Variants in SYNDIG1L observed in about 807,000 individuals in gnomAD.
The protein encoded by SYNDIG1L is synapse differentiation inducing 1 like.
Under a neutral mutation model 20.1 loss-of-function variants are expected in SYNDIG1L, and 13 were observed. That is an observed-to-expected ratio of 0.65 (90% CI 0.42 to 1.03). The LOEUF (loss-of-function observed/expected upper bound fraction) is 1.03. Among genes scored for constraint, SYNDIG1L ranks in the 50% least tolerant of loss-of-function variants. The pLI, the probability that SYNDIG1L is intolerant of heterozygous loss-of-function variation, is 0.00. For synonymous variants in SYNDIG1L, 128 were observed against 129.3 expected, an observed-to-expected ratio of 0.99 and a Z score of 0.07; for missense variants, 294 against 305.1, an observed-to-expected ratio of 0.96 and a Z score of 0.27.
chr14:74,469,174 A>G, the SYNDIG1L span, among the ~76,000 whole-genome samples: 2 of 152,092 alleles, frequency 1.3e-5, no homozygotes, highest in Non-Finnish European at 2.9e-5. Context: ...CAGTGGCTGC[A>G]GTAAGCTTTA....
At chr14:74,426,413 T>C (rs1230851026), upstream of SYNDIG1L, among the ~76,000 whole-genome samples, 1 of 151,994 alleles carries the variant, frequency 6.6e-6, no homozygotes, top group African/African-American at 2.4e-5. Context: ...GGAACCCGCG[T>C]ACCCGCTTCC....
chr14:74,446,243 G>A, the SYNDIG1L span, among the ~76,000 whole-genome samples: 5 of 152,258 alleles, frequency 3.3e-5, no homozygotes, highest in African/African-American at 1.2e-4. Flanking sequence ...AGACTCAAGA[G>A]AAACAGCCTA....
chr14:74,478,694 A>G, the SYNDIG1L span, among the ~76,000 whole-genome samples: 1 of 152,348 alleles, frequency 6.6e-6, no homozygotes, highest in East Asian at 1.9e-4. Context: ...TTGTGCACAG[A>G]GGATAGCCTC....
chr14:74,434,658 T>A, the SYNDIG1L span, among the ~76,000 whole-genome samples: 1 of 150,060 alleles, frequency 6.7e-6, no homozygotes, highest in Non-Finnish European at 1.5e-5. Flanking sequence ...AGGGCAGATA[T>A]GAGAGAGAGA....
At chr14:74,471,520 C>T in the SYNDIG1L span, among the ~76,000 whole-genome samples, 3 of 152,086 alleles carry the variant, frequency 2.0e-5, no homozygotes, top group African/African-American at 7.2e-5. Flanking sequence ...ATTGCTTGAG[C>T]TTGGGAGGTT....
the SYNDIG1L span, among the ~76,000 whole-genome samples, chr14:74,447,890 G>T: frequency 1.3e-5 from 2 of 151,938 alleles, no homozygotes; most frequent in Non-Finnish European, 2.9e-5. Flanking sequence ...AGAAATAGAA[G>T]TATCATAATG....
At position 74,413,281 on chromosome 14, in the gene SYNDIG1L, T is replaced by A. The variant is rs376173107; in HGVS notation, c.-57-3480A>T. On this transcript the variant is annotated intron_variant, in intron 1 of 3. Coordinates refer to ENST00000331628, the MANE Select transcript of SYNDIG1L (RefSeq NM_001105579.2). ...CTCTGATGGTGCCTTTAAGCAGGGC[T>A]TCTCAGCACTTCATGCACAAAGACA... 1.2e-4 allele frequency among the ~76,000 whole-genome samples: 18 copies of A among 152,332 alleles called. No individual in the cohort carries two copies. The East Asian group carries it at 3.5e-3, about 29-fold the overall frequency.
chr14:74,455,976 CT>C, the SYNDIG1L span, among the ~76,000 whole-genome samples: 6 of 152,366 alleles, frequency 3.9e-5, no homozygotes, highest in African/African-American at 1.4e-4. Context: ...AGTGAAATAA[CT>C]TGCCTAAGGT....
intron 1 of SYNDIG1L, among the ~76,000 whole-genome samples, chr14:74,417,057 ATGCCAAG>A (rs939461312): frequency 1.3e-5 from 2 of 152,232 alleles, no homozygotes; most frequent in African/African-American, 4.8e-5. Flanking sequence ...TCTGAACGCC[ATGCCAAG>A]TGCTTCAAAT....
the SYNDIG1L span, chr14:74,479,918 CAGG>C: frequency 6.8e-6 from 8 of 1,181,096 alleles, no homozygotes; most frequent in South Asian, 4.8e-5. Flanking sequence ...CTGAAAGGAG[CAGG>C]AGAAGACCAC....
chr14:74,471,196 G>A, the SYNDIG1L span, among the ~76,000 whole-genome samples: 1 of 152,130 alleles, frequency 6.6e-6, no homozygotes, highest in African/African-American at 2.4e-5. Context: ...GAGTAGTTTA[G>A]ACACAACACC....
At chr14:74,442,128 A>G in the SYNDIG1L span, among the ~76,000 whole-genome samples, 2 of 151,192 alleles carry the variant, frequency 1.3e-5, no homozygotes, top group African/African-American at 4.9e-5. Context: ...TTTTTTTTTT[A>G]TCCATTCATT....
the SYNDIG1L span, among the ~76,000 whole-genome samples, chr14:74,455,739 T>C: frequency 6.6e-6 from 1 of 152,292 alleles, no homozygotes; most frequent in East Asian, 1.9e-4. Flanking sequence ...CAATCCGACC[T>C]GGCTTCTAAG....
chr14:74,426,411 C>G (rs1445861348), upstream of SYNDIG1L, among the ~76,000 whole-genome samples: 1 of 152,054 alleles, frequency 6.6e-6, no homozygotes, highest in Non-Finnish European at 1.5e-5. Flanking sequence ...CTGGAACCCG[C>G]GTACCCGCTT....
At chr14:74,454,608 T>C in the SYNDIG1L span, among the ~76,000 whole-genome samples, 1 of 152,228 alleles carries the variant, frequency 6.6e-6, no homozygotes, top group Non-Finnish European at 1.5e-5. Context: ...TTGTTCCCCT[T>C]TCAGGGAATG....
At chr14:74,452,560 A>G in the SYNDIG1L span, among the ~76,000 whole-genome samples, 5 of 152,212 alleles carry the variant, frequency 3.3e-5, no homozygotes, top group Non-Finnish European at 7.3e-5. Flanking sequence ...AGCCATGTGG[A>G]ACTGTAAGTC....
the SYNDIG1L span, among the ~76,000 whole-genome samples, chr14:74,456,840 C>T: frequency 6.6e-6 from 1 of 152,028 alleles, no homozygotes; most frequent in African/African-American, 2.4e-5. Context: ...ACAGCTGTGC[C>T]CCTGCAGGAG....
Position 74,407,881 on chromosome 14 carries a change from G to C in SYNDIG1L, c.526C>G (p.Leu176Val). The C allele has an allele frequency of 6.2e-7, 1 of 1,613,904 alleles. No homozygotes were observed. The highest frequency in any genetic ancestry group is 8.5e-7 in the Non-Finnish European group (1 of 1,179,864). Residue 176 changes from leucine to valine, a missense_variant, in exon 3 of 4, where the codon CTG becomes GTG. Transcript: ENST00000331628. ...GAGAAGTAGAAGGCAGCAATGCCCAGTGGCCAGAAGCAGCAGAGCATGGAG... is the reference window on the plus strand; with the variant it reads ...GAGAAGTAGAAGGCAGCAATGCCCACTGGCCAGAAGCAGCAGAGCATGGAG... ...LFSMLCCFWP[L>V]GIAAFYFSQG...
At chr14:74,468,016 G>A in the SYNDIG1L span, among the ~76,000 whole-genome samples, 1 of 152,098 alleles carries the variant, frequency 6.6e-6, no homozygotes. Context: ...GATCCATGGA[G>A]CCCAGGGAAA....
Sources: gnomAD v4.1 joint callset for allele counts (sites outside exome capture counted in the v4.1 genomes callset) on GRCh38, gnomAD v4.1.1 for gene constraint, MANE v1.5 for transcripts, NCBI Gene and HGNC (gene_info 2026-07-23, HGNC 2026-07-21) for gene names.